Variants in DPY19L3 observed in about 807,000 individuals in gnomAD.
The protein encoded by DPY19L3 is dpy-19 like C-mannosyltransferase 3, also known as protein C-mannosyl-transferase DPY19L3.
A neutral mutation model predicts 92.3 loss-of-function variants in DPY19L3; 51 were observed. That is an observed-to-expected ratio of 0.55 (90% confidence interval 0.44 to 0.70). DPY19L3 has a LOEUF of 0.70. Ranked by LOEUF, DPY19L3 falls within the 30% of genes least tolerant of loss-of-function variation. The probability of loss-of-function intolerance (pLI) is 0.00; values close to 1 mark genes in which losing one functional copy is unlikely to be tolerated. For synonymous variants in DPY19L3, 309 were observed against 315.2 expected (o/e 0.98, Z 0.21); for missense variants, 706 against 855.9 (o/e 0.82, Z 2.18).
chr19:32,472,531 ATTTT>A (rs3038605), intron 16 of DPY19L3, among the ~76,000 whole-genome samples: 5 of 134,692 alleles, frequency 3.7e-5, no homozygotes, highest in East Asian at 2.1e-4. Context: ...AAAAACTTGG[ATTTT>A]TTTTTTTTTT....
chr19:32,430,777 A>G lies in DPY19L3; in HGVS notation c.238-1939A>G, dbSNP rs149689618. Among the ~76,000 whole-genome samples, 525 of 143,564 alleles carry G rather than the reference A, an allele frequency of 3.7e-3. 7 individuals are homozygous for G. The highest frequency in any genetic ancestry group is 0.013 in the African/African-American group (498 of 39,258). The allele number at this position is 143,564 out of a possible 152,430, so 94.2% of individuals were successfully genotyped here. A position where few individuals can be genotyped will look rare whatever the true frequency, so the allele number is the denominator to read the frequency against. ...GTTGCTGGGAGTTCAGGTGCATGCC[A>G]CTATGCCTGGCTACTTTTTTTTTTT... On this transcript the variant is annotated intron_variant, in intron 3 of 18. Transcript: ENST00000392250.
intron 8 of DPY19L3, among the ~76,000 whole-genome samples, chr19:32,451,071 A>C (rs1969684540): frequency 6.6e-6 from 1 of 152,234 alleles, no homozygotes; most frequent in Non-Finnish European, 1.5e-5. Flanking sequence ...TTCGGTTAGG[A>C]ATTCTGAGAA....
intron 3 of DPY19L3, among the ~76,000 whole-genome samples, chr19:32,415,561 C>CT (rs1387207273): frequency 6.6e-5 from 10 of 152,134 alleles, no homozygotes; most frequent in African/African-American, 2.4e-4. Flanking sequence ...TAGTAGTGAA[C>CT]CCTATTTTTA....
At chr19:32,407,599 G>A (rs1476345901) in intron 1 of DPY19L3, among the ~76,000 whole-genome samples, 1 of 152,184 alleles carries the variant, frequency 6.6e-6, no homozygotes, top group Non-Finnish European at 1.5e-5. Context: ...CAGGGAGGGA[G>A]AAGATCAGCC....
intron 15 of DPY19L3, chr19:32,467,990 T>A (rs1468720167): frequency 1.0e-6 from 1 of 984,896 alleles, no homozygotes; most frequent in Non-Finnish European, 1.2e-6. Context: ...CATTTAAATA[T>A]TATTCTCTTT....
chr19:32,443,353 T>C (rs1969382938), intron 8 of DPY19L3, among the ~76,000 whole-genome samples: 1 of 152,226 alleles, frequency 6.6e-6, no homozygotes, highest in Non-Finnish European at 1.5e-5. Flanking sequence ...ATAGTTTGAA[T>C]GTTTTTGTGG....
At chr19:32,461,566 T>C (rs1473671819) in intron 12 of DPY19L3, among the ~76,000 whole-genome samples, 1 of 152,248 alleles carries the variant, frequency 6.6e-6, no homozygotes, top group East Asian at 1.9e-4. Flanking sequence ...GTGTTTGGGT[T>C]GTAATATTTA....
chr19:32,457,721 C>T (rs8113554), intron 10 of DPY19L3, among the ~76,000 whole-genome samples: 7,511 of 152,138 alleles, frequency 0.049, 616 homozygotes, highest in African/African-American at 0.17. Flanking sequence ...GCTTTGTGGG[C>T]GGTGTATCTA....
intron 8 of DPY19L3, among the ~76,000 whole-genome samples, chr19:32,451,274 G>T (rs1287258046): frequency 1.3e-5 from 2 of 152,216 alleles, no homozygotes; most frequent in Non-Finnish European, 2.9e-5. Flanking sequence ...GTAAAATCCT[G>T]TATATGAAAT....
At chr19:32,435,051 C>A (rs1969093779) in intron 4 of DPY19L3, among the ~76,000 whole-genome samples, 1 of 152,034 alleles carries the variant, frequency 6.6e-6, no homozygotes, top group African/African-American at 2.4e-5. Flanking sequence ...GGCTAGAAGT[C>A]CAAGATCCAC....
chr19:32,482,374 T>C lies in DPY19L3; in HGVS notation c.*134T>C. 9.9e-7 allele frequency: 1 copy of C among 1,014,384 alleles called. No individual in the cohort carries two copies. Among genetic ancestry groups the C allele is most frequent in the South Asian group, 1.7e-5 (1 of 58,480 alleles). The allele number at this position is 1,014,384 out of a possible 1,614,324, so 62.8% of individuals were successfully genotyped here. ...GATATGAGTAAGTTCTACAGATGTT[T>C]ACACAAGTGTTGCCATCTTTGAAAG... On this transcript the variant is annotated 3_prime_UTR_variant, in exon 19 of 19. Transcript: ENST00000392250.
At chr19:32,410,793 A>G (rs1968152213) in intron 2 of DPY19L3, among the ~76,000 whole-genome samples, 1 of 152,104 alleles carries the variant, frequency 6.6e-6, no homozygotes, top group South Asian at 2.1e-4. Context: ...AAAAAACAAT[A>G]ATTATTTTTT....
chr19:32,431,081 A>G (rs1968949345), intron 3 of DPY19L3, among the ~76,000 whole-genome samples: 1 of 152,158 alleles, frequency 6.6e-6, no homozygotes, highest in African/African-American at 2.4e-5. Context: ...TGAATCTGCT[A>G]TAATATGAAA....
chr19:32,471,214 G>A (rs1029663351), intron 16 of DPY19L3, among the ~76,000 whole-genome samples: 6 of 152,172 alleles, frequency 3.9e-5, no homozygotes, highest in Admixed American at 3.9e-4. Flanking sequence ...TGCGGCCTAA[G>A]GACTCTTTCA....
intron 10 of DPY19L3, 44 bp downstream of exon 10, chr19:32,455,084 T>C: frequency 8.2e-7 from 1 of 1,220,526 alleles, no homozygotes; most frequent in African/African-American, 1.6e-5. Context: ...TTTAATTAAC[T>C]TATGGCATTG....
rs1970704667 is a variant in DPY19L3 at position 32,482,494 on chromosome 19, A to T, written c.*254A>T. ...GTTAACAACTTTCTAAGAGTGACCT[A>T]GAATTATGTTGTTGGAGAGAATGAT... On this transcript the variant is annotated 3_prime_UTR_variant, in exon 19 of 19. Coordinates refer to ENST00000392250, the MANE Select transcript of DPY19L3 (RefSeq NM_001172774.2). 5.2e-6 allele frequency: 2 copies of T among 386,106 alleles called. No homozygotes were observed. The highest frequency in any genetic ancestry group is 8.6e-5 in the Admixed American group (2 of 23,194). The allele number at this position is 386,106 out of a possible 1,614,324, so 23.9% of individuals were successfully genotyped here.
chr19:32,407,236 A>C (rs1388700262), intron 1 of DPY19L3, among the ~76,000 whole-genome samples: 130 of 125,546 alleles, frequency 1.0e-3, no homozygotes, highest in South Asian at 1.3e-3. Flanking sequence ...CCCGCCTCCC[A>C]CTTGCTGCTG....
intron 10 of DPY19L3, among the ~76,000 whole-genome samples, chr19:32,457,332 G>A (rs960614574): frequency 1.3e-5 from 2 of 152,114 alleles, no homozygotes; most frequent in Non-Finnish European, 2.9e-5. Context: ...CAACTGTTTT[G>A]TTTTACTCTT....
chr19:32,467,929 C>T (rs2145611464), intron 15 of DPY19L3: 1 of 985,312 alleles, frequency 1.0e-6, no homozygotes, highest in Non-Finnish European at 1.2e-6. Flanking sequence ...CCAGGAGGCA[C>T]CAAGTGGTAT....
Sources: allele counts gnomAD v4.1 joint callset (sites outside exome capture counted in the v4.1 genomes callset), GRCh38; gene constraint gnomAD v4.1.1; transcripts MANE v1.5; gene names NCBI Gene and HGNC (gene_info 2026-07-23, HGNC 2026-07-21).